The following CEP83 variants were observed in gnomAD, a reference collection of about 807,000 sequenced individuals.
The protein encoded by CEP83 is centrosomal protein 83.
CEP83 carries 70 observed loss-of-function variants against 101.9 expected under a neutral mutation model. That is an observed-to-expected ratio of 0.69 (90% CI 0.57 to 0.84). The LOEUF (loss-of-function observed/expected upper bound fraction) is 0.84, where lower values mean the gene tolerates loss of function less well. CEP83 is among the 40% of genes least tolerant of loss of function. The probability of loss-of-function intolerance (pLI) is 0.00; values close to 1 mark genes in which losing one functional copy is unlikely to be tolerated. For missense variants in CEP83, 715 were observed against 787.2 expected, an observed-to-expected ratio of 0.91 and a Z score of 1.10; for synonymous variants, 264 against 267.9, an observed-to-expected ratio of 0.99 and a Z score of 0.14.
chr12:94,379,940 A>G (rs1196878332), intron 6 of CEP83, among the ~76,000 whole-genome samples: 1 of 152,002 alleles, frequency 6.6e-6, no homozygotes, highest in African/African-American at 2.4e-5. Flanking sequence ...AAATGATTCA[A>G]CTTAAGTAAA....
chr12:94,351,886 T>C (rs1303835154), intron 11 of CEP83, among the ~76,000 whole-genome samples: 1 of 152,184 alleles, frequency 6.6e-6, no homozygotes, highest in Non-Finnish European at 1.5e-5. Context: ...ATGAGATTCA[T>C]TCTACAAAAA....
At chr12:94,389,914 G>A (rs1289497347) in intron 6 of CEP83, among the ~76,000 whole-genome samples, 1 of 152,222 alleles carries the variant, frequency 6.6e-6, no homozygotes, top group Non-Finnish European at 1.5e-5. Context: ...CTGGCAGGGG[G>A]AGGGGTGTCC....
chr12:94,310,114 A>G lies in CEP83; in HGVS notation c.1812-7T>C, dbSNP rs780431588. 1.4e-5 allele frequency: 20 copies of G among 1,462,870 alleles called. No individual in the cohort carries two copies. The African/African-American group carries it at 2.2e-4, about 16-fold the overall frequency. The allele number at this position is 1,462,870 out of a possible 1,614,324, so 90.6% of individuals were successfully genotyped here. A position where few individuals can be genotyped will look rare whatever the true frequency, so the allele number is the denominator to read the frequency against. On this transcript the variant is annotated splice_region_variant and splice_polypyrimidine_tract_variant and intron_variant, in intron 15 of 16. Coordinates refer to ENST00000397809, the MANE Select transcript of CEP83 (RefSeq NM_016122.3). ...TTCAAAAGGAACATTTTGTCTTAAA[A>G]AGAAAAAGAAATGTTTCTTTAACAT... is the stretch of plus-strand genomic sequence containing the variant.
intron 2 of CEP83, among the ~76,000 whole-genome samples, chr12:94,426,550 C>G (rs568055004): frequency 6.6e-6 from 1 of 152,212 alleles, no homozygotes; most frequent in African/African-American, 2.4e-5. Flanking sequence ...CTACTTTAGC[C>G]TCGATTCACT....
intron 11 of CEP83, among the ~76,000 whole-genome samples, chr12:94,356,730 G>A (rs2060494755): frequency 1.3e-5 from 2 of 152,138 alleles, no homozygotes; most frequent in African/African-American, 2.4e-5. Context: ...GTTTCCAGTC[G>A]GATGATTCCT....
At chr12:94,303,731 GCTT>G (rs766084155), downstream of CEP83, 315 of 1,113,690 alleles carry the variant, frequency 2.8e-4, 1 homozygote, top group African/African-American at 5.6e-3. Context: ...GGTGATGGTT[GCTT>G]TTTTTTTTTT....
intron 11 of CEP83, among the ~76,000 whole-genome samples, chr12:94,353,585 A>C (rs937872419): frequency 2.0e-5 from 3 of 152,210 alleles, no homozygotes; most frequent in Admixed American, 6.5e-5. Context: ...CTCTACCAAG[A>C]ATAACTTTGA....
downstream of CEP83, chr12:94,305,459 T>C: frequency 1.7e-6 from 1 of 577,226 alleles, no homozygotes; most frequent in South Asian, 2.2e-5. Context: ...ATACCAACCC[T>C]TGTGCCTGTG....
chr12:94,336,067 A>G (rs1229720646), intron 11 of CEP83, among the ~76,000 whole-genome samples: 1 of 151,726 alleles, frequency 6.6e-6, no homozygotes, highest in Non-Finnish European at 1.5e-5. Context: ...TTACATCCAT[A>G]TAGTATTTTA....
At chr12:94,351,514 C>CACA (rs1187891163) in intron 11 of CEP83, among the ~76,000 whole-genome samples, 14 of 152,258 alleles carry the variant, frequency 9.2e-5, no homozygotes, top group African/African-American at 3.4e-4. Context: ...GGTCCAACAC[C>CACA]ACAACCTCAG....
intron 11 of CEP83, among the ~76,000 whole-genome samples, chr12:94,363,080 T>C (rs1463726397): frequency 2.0e-5 from 3 of 152,186 alleles, no homozygotes; most frequent in East Asian, 3.8e-4. Context: ...AAAATTACTA[T>C]TGGATAGGAA....
the CEP83 span, among the ~76,000 whole-genome samples, chr12:94,289,341 T>G: frequency 6.6e-6 from 1 of 152,138 alleles, no homozygotes; most frequent in Non-Finnish European, 1.5e-5. Flanking sequence ...TTCCCCTCCA[T>G]TGATGATTGG....
chr12:94,366,475 G>A (rs1207609545), intron 11 of CEP83, among the ~76,000 whole-genome samples: 1 of 152,034 alleles, frequency 6.6e-6, no homozygotes, highest in African/African-American at 2.4e-5. Flanking sequence ...TTAGGACTGA[G>A]GAAATAAGTA....
the CEP83 span, among the ~76,000 whole-genome samples, chr12:94,293,334 C>T: frequency 4.4e-4 from 67 of 152,316 alleles, no homozygotes; most frequent in African/African-American, 1.4e-3. Context: ...TGAAATGGCT[C>T]TGTCATAGGG....
At chr12:94,279,362 A>G in the CEP83 span, 2 of 784,676 alleles carry the variant, frequency 2.5e-6, no homozygotes, top group Non-Finnish European at 4.2e-6. Context: ...GTGTTTGCTA[A>G]TGTGCTGTCA....
At chr12:94,356,276 A>G (rs992625859) in intron 11 of CEP83, among the ~76,000 whole-genome samples, 3 of 152,232 alleles carry the variant, frequency 2.0e-5, no homozygotes, top group Non-Finnish European at 4.4e-5. Flanking sequence ...TTTCACACTG[A>G]TAACAAGGAG....
chr12:94,404,973 C>T (rs1593772575), intron 4 of CEP83, among the ~76,000 whole-genome samples: 2 of 152,074 alleles, frequency 1.3e-5, no homozygotes, highest in Admixed American at 6.5e-5. Context: ...CTATATTTTA[C>T]GAAGAAGCAA....
At chr12:94,451,617 T>C (rs2067261008) in intron 1 of CEP83, among the ~76,000 whole-genome samples, 1 of 152,112 alleles carries the variant, frequency 6.6e-6, no homozygotes, top group Non-Finnish European at 1.5e-5. Context: ...TACTAGATAC[T>C]AACTAGAATG....
chr12:94,321,356 A>G (rs2058736680), intron 14 of CEP83, among the ~76,000 whole-genome samples: 1 of 152,082 alleles, frequency 6.6e-6, no homozygotes, highest in Non-Finnish European at 1.5e-5. Context: ...CATATTCTGA[A>G]TTCTATTTGT....
Sources: allele counts gnomAD v4.1 joint callset (sites outside exome capture counted in the v4.1 genomes callset), GRCh38; gene constraint gnomAD v4.1.1; transcripts MANE v1.5; gene names NCBI Gene and HGNC (gene_info 2026-07-23, HGNC 2026-07-21).